The following ACTR6 variants were observed in gnomAD, a reference collection of about 807,000 sequenced individuals.
The protein encoded by ACTR6 is actin-related protein 6.
In ACTR6, 50 loss-of-function variants were observed where a neutral mutation model predicts 52.5. That is an observed-to-expected ratio of 0.95 (90% CI 0.76 to 1.20). ACTR6 has a LOEUF of 1.20. Among genes scored for constraint, ACTR6 ranks in the 50% most tolerant of loss-of-function variants. The pLI is 0.00. For missense variants in ACTR6, 344 were observed against 472.4 expected (o/e 0.73, Z 2.52); for synonymous variants, 135 against 147.2 (o/e 0.92, Z 0.60).
intron 8 of ACTR6, among the ~76,000 whole-genome samples, chr12:100,215,968 G>T (rs2096123577): frequency 6.6e-6 from 1 of 152,082 alleles, no homozygotes; most frequent in Non-Finnish European, 1.5e-5. Flanking sequence ...ATAAAAATAG[G>T]CCTGTAATAT....
At chr12:100,220,274 T>A in intron 10 of ACTR6, 128 bp downstream of exon 10, 1 of 911,746 alleles carries the variant, frequency 1.1e-6, no homozygotes, top group South Asian at 1.8e-5. Flanking sequence ...ATATTCATTT[T>A]TCTTCTTTCA....
intron 8 of ACTR6, among the ~76,000 whole-genome samples, chr12:100,216,179 G>A (rs941853675): frequency 2.0e-5 from 3 of 152,172 alleles, no homozygotes; most frequent in African/African-American, 7.2e-5. Context: ...GGTTTGAGAC[G>A]GAGTCTCGTT....
chr12:100,220,269 C>T (rs559160446), intron 10 of ACTR6, 123 bp downstream of exon 10: 5 of 927,272 alleles, frequency 5.4e-6, no homozygotes, highest in South Asian at 1.8e-5. Context: ...GCTGAATATT[C>T]ATTTTTCTTC....
At chr12:100,213,347 C>T (rs1034263892) in intron 8 of ACTR6, among the ~76,000 whole-genome samples, 10 of 152,138 alleles carry the variant, frequency 6.6e-5, no homozygotes. Flanking sequence ...CCTGCCTTGG[C>T]TCCTAGGTGT....
chr12:100,201,780 C>G (rs116573701), intron 1 of ACTR6, among the ~76,000 whole-genome samples: 388 of 152,310 alleles, frequency 2.5e-3, no homozygotes, highest in African/African-American at 8.9e-3. Context: ...CACCACCACT[C>G]CCAGCGAATT....
chr12:100,210,387 C>T lies in ACTR6; in HGVS notation c.572+36C>T, dbSNP rs780026752. ...GCTTTGATTCTTTGGGAGGATGGGGCTCTGGGGAGGAACCTTTTACAGTAA... is the reference window on the plus strand; with the variant it reads ...GCTTTGATTCTTTGGGAGGATGGGGTTCTGGGGAGGAACCTTTTACAGTAA... On this transcript the variant is annotated intron_variant, in intron 6 of 10. Transcript: ENST00000188312. 5 of 1,588,212 alleles carry T rather than the reference C, an allele frequency of 3.1e-6. No homozygotes were observed. In the South Asian group the frequency reaches 4.5e-5, roughly 14 times the overall value.
Position 100,212,237 on chromosome 12 carries a change from C to T in ACTR6, c.573-19C>T. 1.3e-6 allele frequency: 2 copies of T among 1,494,528 alleles called. No homozygotes were observed. The highest frequency in any genetic ancestry group is 9.0e-7 in the Non-Finnish European group (1 of 1,108,948). The allele number at this position is 1,494,528 out of a possible 1,614,324, so 92.6% of individuals were successfully genotyped here. ...TTTAATTGTTTTGCTTCAAATTTTACAACTTTTATTTCTGTTAGGCAGCTA... is the reference window on the plus strand; with the variant it reads ...TTTAATTGTTTTGCTTCAAATTTTATAACTTTTATTTCTGTTAGGCAGCTA... On this transcript the variant is annotated intron_variant, in intron 6 of 10. Transcript: ENST00000188312.
Position 100,220,038 on chromosome 12 carries a change from T to C in ACTR6, c.953T>C (p.Val318Ala), listed in dbSNP as rs945390813. ...CAGCCGCATTTTTTTAAGAACATTG[T>C]CTTGACAGGAGGAAATTCCCTTTTC... ...EMQPHFFKNI[V>A]LTGGNSLFPG... The change falls in exon 10 of 11, where the codon GTC becomes GCC. Residue 318 changes from valine (V) to alanine (A), a missense_variant. Transcript: ENST00000188312. 3 of 1,614,010 alleles carry C rather than the reference T, an allele frequency of 1.9e-6. No homozygotes were observed. The Admixed American group carries it at 5.0e-5, about 27-fold the overall frequency.
At chr12:100,205,610 T>A (rs994146173) in intron 2 of ACTR6, 66 bp from the exon 3 acceptor site, 7 of 974,430 alleles carry the variant, frequency 7.2e-6, no homozygotes, top group Non-Finnish European at 1.0e-5. Flanking sequence ...TTCAAATATT[T>A]ATAATCTGAT....
intron 9 of ACTR6, among the ~76,000 whole-genome samples, chr12:100,219,766 C>A (rs1362994430): frequency 6.6e-6 from 1 of 152,144 alleles, no homozygotes; most frequent in Non-Finnish European, 1.5e-5. Context: ...GTTTACCCCC[C>A]TCACCTTAGG....
chr12:100,222,797 A>G (rs1047288385), intron 10 of ACTR6, among the ~76,000 whole-genome samples: 8 of 152,244 alleles, frequency 5.3e-5, no homozygotes, highest in African/African-American at 1.9e-4. Flanking sequence ...GTCATAACAC[A>G]TAGTATAACC....
intron 8 of ACTR6, among the ~76,000 whole-genome samples, chr12:100,213,430 T>G (rs957633687): frequency 1.3e-5 from 2 of 152,102 alleles, no homozygotes; most frequent in African/African-American, 4.8e-5. Context: ...TGCTGGCCAT[T>G]TCACCCGGCA....
intron 1 of ACTR6, chr12:100,203,960 T>C (rs533543448): frequency 1.3e-5 from 2 of 152,290 alleles, no homozygotes; most frequent in Non-Finnish European, 2.9e-5. Flanking sequence ...AACTTGTGAA[T>C]CTTTAATCCA....
chr12:100,211,001 T>C (rs2096119447), intron 6 of ACTR6, among the ~76,000 whole-genome samples: 1 of 152,186 alleles, frequency 6.6e-6, no homozygotes, highest in South Asian at 2.1e-4. Flanking sequence ...TTGTTTGTTT[T>C]CTTTTTACAA....
intron 4 of ACTR6, 53 bp downstream of exon 4, chr12:100,207,839 G>GGTAA (rs772666117): frequency 6.4e-7 from 1 of 1,554,278 alleles, no homozygotes; most frequent in Non-Finnish European, 8.8e-7. Context: ...ATATGAATAG[G>GGTAA]GTAATACTCA....
In ACTR6 at chr12:100,224,209, T is replaced by A. The variant is rs561172196; in HGVS notation, c.*294T>A. The A allele has an allele frequency of 6.8e-4, 132 of 195,380 alleles. 1 individual carries two copies. The highest frequency in any genetic ancestry group is 2.8e-3 in the African/African-American group (120 of 42,882). 12.1% of individuals were successfully genotyped at this position (195,380 alleles called of 1,614,324 possible). A position where few individuals can be genotyped will look rare whatever the true frequency, so the allele number is the denominator to read the frequency against. ...AATGCATTTTAAGTTTAATTCTTCA[T>A]AGCTGAAAGCACAAATTTAACGGCT... On this transcript the variant is annotated 3_prime_UTR_variant, in exon 11 of 11. Coordinates refer to ENST00000188312, the MANE Select transcript of ACTR6 (RefSeq NM_022496.5).
chr12:100,202,694 T>C (rs1566289506), intron 1 of ACTR6, among the ~76,000 whole-genome samples: 1 of 151,956 alleles, frequency 6.6e-6, no homozygotes, highest in Non-Finnish European at 1.5e-5. Flanking sequence ...CTGTCTCTAC[T>C]AAAAATACAA....
intron 1 of ACTR6, chr12:100,203,711 C>T (rs568483602): frequency 4.4e-5 from 6 of 135,204 alleles, no homozygotes; most frequent in Non-Finnish European, 6.0e-5. Flanking sequence ...AATGCAGTGG[C>T]GTGATCTTGG....
chr12:100,208,711 T>C (rs2096117202), intron 4 of ACTR6: 1 of 456,092 alleles, frequency 2.2e-6, no homozygotes, highest in African/African-American at 2.0e-5. Context: ...GGTAGTTATC[T>C]TTCCTGTCAT....
Sources: gnomAD v4.1 joint callset for allele counts (sites outside exome capture counted in the v4.1 genomes callset) on GRCh38, gnomAD v4.1.1 for gene constraint, MANE v1.5 for transcripts, NCBI Gene and HGNC (gene_info 2026-07-23, HGNC 2026-07-21) for gene names.